The following CAST variants were observed in gnomAD, a reference collection of about 807,000 sequenced individuals.
The protein encoded by CAST is MIR583 host.
Under a neutral mutation model 119.6 loss-of-function variants are expected in CAST, and 76 were observed. That is an observed-to-expected ratio of 0.64 (90% CI 0.53 to 0.77). CAST has a LOEUF of 0.77. CAST is among the 30% of genes least tolerant of loss of function. CAST has a pLI of 0.00. For synonymous variants in CAST, 319 were observed against 331.6 expected, an observed-to-expected ratio of 0.96 and a Z score of 0.41; for missense variants, 953 against 946.5, an observed-to-expected ratio of 1.01 and a Z score of -0.09.
the CAST span, among the ~76,000 whole-genome samples, chr5:96,071,234 A>G: frequency 7.9e-5 from 12 of 151,270 alleles, no homozygotes; most frequent in African/African-American, 1.2e-4. Flanking sequence ...TTCACCCTAT[A>G]TTTCCTAACA....
At chr5:96,591,294 G>T (rs1746957970) in intron 1 of CAST, among the ~76,000 whole-genome samples, 1 of 152,230 alleles carries the variant, frequency 6.6e-6, no homozygotes, top group African/African-American at 2.4e-5. Flanking sequence ...AGATTCTGAT[G>T]AATGGAAGTC....
chr5:96,049,877 C>A, the CAST span, among the ~76,000 whole-genome samples: 1 of 15,236 alleles, frequency 6.6e-5, no homozygotes, highest in South Asian at 2.1e-3. Flanking sequence ...AGAGAAACAA[C>A]AGAACAGGAG....
chr5:96,619,531 A>G (rs540290202), intron 1 of CAST, among the ~76,000 whole-genome samples: 15 of 152,338 alleles, frequency 9.8e-5, no homozygotes, highest in South Asian at 2.1e-4. Context: ...CCTCTTCCAC[A>G]GTGTGGTAGC....
the CAST span, among the ~76,000 whole-genome samples, chr5:96,133,728 T>C: frequency 6.6e-6 from 1 of 152,166 alleles, no homozygotes; most frequent in Non-Finnish European, 1.5e-5. Context: ...TATAAACTTG[T>C]TTTACAATGC....
the CAST span, among the ~76,000 whole-genome samples, chr5:96,058,972 G>A: frequency 6.6e-6 from 1 of 152,052 alleles, no homozygotes; most frequent in East Asian, 1.9e-4. Flanking sequence ...GCTATGCCAA[G>A]GCCCAGGCTG....
At chr5:96,757,782 C>T in intron 24 of CAST, 128 bp downstream of exon 24, 1 of 648,028 alleles carries the variant, frequency 1.5e-6, no homozygotes, top group Non-Finnish European at 2.7e-6. Flanking sequence ...CCTCCACCTT[C>T]CAGATTCAAG....
At chr5:96,525,692 C>T (rs1245699460), upstream of CAST, among the ~76,000 whole-genome samples, 1 of 152,034 alleles carries the variant, frequency 6.6e-6, no homozygotes, top group Non-Finnish European at 1.5e-5. Flanking sequence ...AATGATTATC[C>T]TACTTACCAT....
At chr5:96,284,731 GTGA>G in the CAST span, among the ~76,000 whole-genome samples, 49,644 of 151,984 alleles carry the variant, frequency 0.33, 8,434 homozygotes, top group Admixed American at 0.41. Context: ...TACAAAGTGG[GTGA>G]TGAGTCAACA....
At chr5:96,245,621 GA>G in the CAST span, among the ~76,000 whole-genome samples, 43,203 of 127,336 alleles carry the variant, frequency 0.34, 6,683 homozygotes, top group African/African-American at 0.45. Context: ...CTGTGTAATG[GA>G]AAAAAAAAAA....
chr5:96,233,714 A>G, the CAST span, among the ~76,000 whole-genome samples: 1 of 152,090 alleles, frequency 6.6e-6, no homozygotes, highest in South Asian at 2.1e-4. Flanking sequence ...TTGGTCAGTA[A>G]CTTGGGTGTT....
chr5:96,122,586 T>C, the CAST span, among the ~76,000 whole-genome samples: 2 of 152,172 alleles, frequency 1.3e-5, no homozygotes, highest in Non-Finnish European at 2.9e-5. Flanking sequence ...TCATAACCAG[T>C]TCGGGCTGGA....
chr5:96,699,823 T>C (rs1753679572), intron 3 of CAST, among the ~76,000 whole-genome samples: 1 of 152,048 alleles, frequency 6.6e-6, no homozygotes, highest in Admixed American at 6.5e-5. Context: ...ATGACAGATA[T>C]CCATGACAAA....
the CAST span, among the ~76,000 whole-genome samples, chr5:96,456,111 G>C: frequency 2.0e-5 from 3 of 152,270 alleles, no homozygotes; most frequent in Admixed American, 2.0e-4. Context: ...GATATCTAAT[G>C]ACCGAAGGAT....
the CAST span, among the ~76,000 whole-genome samples, chr5:96,467,938 T>C: frequency 2.0e-5 from 3 of 152,258 alleles, no homozygotes; most frequent in African/African-American, 7.2e-5. Context: ...TACATGCCTA[T>C]GTTTATTGTA....
chr5:96,140,545 A>G, the CAST span, among the ~76,000 whole-genome samples: 1 of 152,236 alleles, frequency 6.6e-6, no homozygotes, highest in Non-Finnish European at 1.5e-5. Flanking sequence ...AGAGTTAGAT[A>G]AATGCTCTGA....
rs1561446736 is a variant in CAST at position 96,662,479 on chromosome 5, C to A, written c.57C>A (p.Ala19=). Residue 19 remains alanine, a synonymous_variant, in exon 1 of 32, where the codon GCC becomes GCA. Transcript: ENST00000675179. ...CCCCGCGGCCCCGGCGAGCAGCCGC[C>A]GCCCGCCGCACCCATGAGGTGAGTG... ...AASPRPRRAA[A]ARRTHEHVSE... The A allele has an allele frequency of 9.8e-6, 14 of 1,428,554 alleles. No individual in the cohort carries two copies. Among genetic ancestry groups the A allele is most frequent in the South Asian group, 1.4e-5 (1 of 69,608 alleles). 88.5% of individuals were successfully genotyped at this position (1,428,554 alleles called of 1,614,324 possible). A position where few individuals can be genotyped will look rare whatever the true frequency, so the allele number is the denominator to read the frequency against.
chr5:96,567,026 A>G (rs1274211775), intron 1 of CAST, among the ~76,000 whole-genome samples: 1 of 152,228 alleles, frequency 6.6e-6, no homozygotes, highest in African/African-American at 2.4e-5. Flanking sequence ...GGCTGGTGTC[A>G]GCATTTGCTG....
the CAST span, among the ~76,000 whole-genome samples, chr5:96,134,617 G>A: frequency 2.6e-5 from 4 of 152,160 alleles, no homozygotes; most frequent in East Asian, 7.7e-4. Flanking sequence ...CAAGATATGG[G>A]GTAGCAAGCC....
the CAST span, among the ~76,000 whole-genome samples, chr5:96,049,358 G>A: frequency 6.6e-6 from 1 of 152,044 alleles, no homozygotes; most frequent in East Asian, 1.9e-4. Flanking sequence ...AACACCTCCT[G>A]GCATTATGTA....
Sources: allele counts gnomAD v4.1 joint callset (sites outside exome capture counted in the v4.1 genomes callset), GRCh38; gene constraint gnomAD v4.1.1; transcripts MANE v1.5; gene names NCBI Gene and HGNC (gene_info 2026-07-23, HGNC 2026-07-21).